The following SPIRE1 variants were observed in gnomAD, a reference collection of about 807,000 sequenced individuals.
SPIRE1 encodes spire type actin nucleation factor 1.
SPIRE1 carries 40 observed loss-of-function variants against 94.1 expected under a neutral mutation model. The ratio of observed to expected loss-of-function variants is 0.43; its 90% CI spans 0.33 to 0.55. SPIRE1 has a LOEUF of 0.55. SPIRE1 is among the 20% of genes least tolerant of loss of function. The probability of loss-of-function intolerance (pLI) is 0.06; values close to 1 mark genes in which losing one functional copy is unlikely to be tolerated. For missense variants in SPIRE1, 838 were observed against 975.2 expected (o/e 0.86, Z 1.87); for synonymous variants, 376 against 371.7 (o/e 1.01, Z -0.13).
intron 2 of SPIRE1, among the ~76,000 whole-genome samples, chr18:12,593,555 G>T (rs142604549): frequency 6.6e-6 from 1 of 152,236 alleles, no homozygotes; most frequent in South Asian, 2.1e-4. Flanking sequence ...CTAAATTCCC[G>T]CTATATACCC....
intron 11 of SPIRE1, among the ~76,000 whole-genome samples, chr18:12,463,762 A>G (rs2031974904): frequency 1.3e-5 from 2 of 152,204 alleles, no homozygotes; most frequent in African/African-American, 4.8e-5. Flanking sequence ...AAAATTCTCA[A>G]TGTACCCTCT....
chr18:12,498,440 G>T (rs771514692), intron 6 of SPIRE1, among the ~76,000 whole-genome samples: 24 of 152,124 alleles, frequency 1.6e-4, no homozygotes, highest in Non-Finnish European at 3.2e-4. Flanking sequence ...TAGAGATGGG[G>T]TTTCACCATG....
chr18:12,625,104 T>C (rs2037583664), intron 2 of SPIRE1, among the ~76,000 whole-genome samples: 1 of 152,056 alleles, frequency 6.6e-6, no homozygotes, highest in African/African-American at 2.4e-5. Context: ...CAAGTGACTG[T>C]CATAATGTCC....
At chr18:12,450,515 A>G in intron 16 of SPIRE1, 1 of 554,118 alleles carries the variant, frequency 1.8e-6, no homozygotes, top group Non-Finnish European at 3.2e-6. Context: ...GCAGACGTGC[A>G]GAGAAGAACA....
At chr18:12,535,373 A>G in intron 4 of SPIRE1, 103 bp downstream of exon 4, 1 of 1,255,064 alleles carries the variant, frequency 8.0e-7, no homozygotes, top group Non-Finnish European at 1.1e-6. Flanking sequence ...ATCTTTTAAA[A>G]CAATACAGCG....
chr18:12,489,685 T>C (rs903854110), intron 8 of SPIRE1, among the ~76,000 whole-genome samples: 2 of 152,344 alleles, frequency 1.3e-5, no homozygotes, highest in African/African-American at 4.8e-5. Flanking sequence ...TTTAGCCATC[T>C]GTTAGGAGAT....
intron 2 of SPIRE1, among the ~76,000 whole-genome samples, chr18:12,551,031 T>C (rs1363817995): frequency 1.3e-5 from 2 of 152,262 alleles, no homozygotes; most frequent in South Asian, 4.1e-4. Flanking sequence ...TGTATTCCGA[T>C]ATTTCCTTAA....
chr18:12,493,213 G>A lies in SPIRE1; in HGVS notation c.1060-12C>T, dbSNP rs745942065. The A allele has an allele frequency of 6.9e-6, 11 of 1,605,330 alleles. No homozygotes were observed. Among genetic ancestry groups the A allele is most frequent in the Non-Finnish European group, 6.8e-6 (8 of 1,178,006 alleles). On this transcript the variant is annotated splice_polypyrimidine_tract_variant and intron_variant, in intron 7 of 16. Coordinates refer to ENST00000409402, the MANE Select transcript of SPIRE1 (RefSeq NM_001128626.2). ...TTTCTGGCTGAGACCTTGAAAGTAA[G>A]AAAAATGGCTAAAGACTTCAGTAAT...
chr18:12,657,638 G>T lies in SPIRE1; in HGVS notation c.229C>A (p.Gln77Lys). 7.6e-7 allele frequency: 1 copy of T among 1,309,928 alleles called. No individual in the cohort carries two copies. The highest frequency in any genetic ancestry group is 9.7e-7 in the Non-Finnish European group (1 of 1,027,906). 81.1% of individuals were successfully genotyped at this position (1,309,928 alleles called of 1,614,324 possible). A position where few individuals can be genotyped will look rare whatever the true frequency, so the allele number is the denominator to read the frequency against. Residue 77 changes from glutamine to lysine, a missense_variant, in exon 1 of 17, where the codon CAG (glutamine) becomes AAG (lysine). Physicochemically the swap from Gln to Lys is moderately conservative, Grantham distance 53. Transcript: ENST00000409402. The stretch of plus-strand genomic sequence containing the variant: ...GCCGAGCGCACACGGTGGCGGGGCT[G>T]GCGGCGGCGGGCGGCGGCGCGCAGG... Reference protein sequence around the residue: ...GSLRAAARRRQPRHRVRSAAQ... With the variant: ...GSLRAAARRRKPRHRVRSAAQ...
Position 12,631,548 on chromosome 18 carries a change from C to CAAAAAAAAAAAAAAAAAAA in SPIRE1, c.372+3495_372+3513dup, listed in dbSNP as rs869278182. Among the ~76,000 whole-genome samples, 69 of 63,784 alleles carry CAAAAAAAAAAAAAAAAAAA rather than the reference C, an allele frequency of 1.1e-3. 1 individual carries two copies. Among genetic ancestry groups the CAAAAAAAAAAAAAAAAAAA allele is most frequent in the Non-Finnish European group, 1.5e-3 (55 of 36,542 alleles). 41.8% of individuals were successfully genotyped at this position (63,784 alleles called of 152,430 possible). On this transcript the variant is annotated intron_variant, in intron 2 of 16. Transcript: ENST00000409402. ...GCAACATAGCAAAACCCCATCTCTA[C>CAAAAAAAAAAAAAAAAAAA]AAAAAAAAAAAAAAAAAAAAAAAAA...
intron 6 of SPIRE1, among the ~76,000 whole-genome samples, chr18:12,502,754 C>T (rs36109961): frequency 0.36 from 54,486 of 151,802 alleles, 11,179 homozygotes; most frequent in East Asian, 0.65. Flanking sequence ...AACTGGAAAC[C>T]ATCAAATATC....
chr18:12,533,454 G>T (rs1018318330), intron 4 of SPIRE1, among the ~76,000 whole-genome samples: 2 of 152,062 alleles, frequency 1.3e-5, no homozygotes, highest in African/African-American at 4.8e-5. Context: ...GACATAACAA[G>T]GTTTAGAAAA....
At chr18:12,495,252 GA>G (rs2033415129) in intron 7 of SPIRE1, among the ~76,000 whole-genome samples, 1 of 152,160 alleles carries the variant, frequency 6.6e-6, no homozygotes, top group Admixed American at 6.5e-5. Context: ...AGGAACAGAA[GA>G]AACACAAACC....
rs138304994 is a variant in SPIRE1, at chr18:12,478,029, C to T, written c.1404+1670G>A. ...AAGAAAGTCAGATAGACTGAAGAGA[C>T]GGTGAGAAAGAGAGACCAACTGACG... On this transcript the variant is annotated intron_variant, in intron 10 of 16. Transcript: ENST00000409402. Among the ~76,000 whole-genome samples, 502 of 151,886 alleles carry T rather than the reference C, an allele frequency of 3.3e-3. 2 individuals are homozygous for T. Among genetic ancestry groups the T allele is most frequent in the African/African-American group, 0.011 (468 of 41,406 alleles).
In SPIRE1 at chr18:12,601,976, G is replaced by A. The variant is rs554996966; in HGVS notation, c.372+33086C>T. ...AGCCCTGGTTACTGGTAGTGGGGAA[G>A]GCTATTTAGAAACAAAGACGTGGGT... On this transcript the variant is annotated intron_variant, in intron 2 of 16. Coordinates refer to ENST00000409402, the MANE Select transcript of SPIRE1 (RefSeq NM_001128626.2). Among the ~76,000 whole-genome samples the A allele has an allele frequency of 2.6e-5, 4 of 152,224 alleles. No individual in the cohort carries two copies. The South Asian group carries it at 8.3e-4, about 32-fold the overall frequency.
chr18:12,540,399 G>T (rs144478843), intron 3 of SPIRE1, among the ~76,000 whole-genome samples: 25 of 151,816 alleles, frequency 1.6e-4, no homozygotes, highest in African/African-American at 5.8e-4. Flanking sequence ...TTTTGAAATG[G>T]GGTTTCACTC....
At chr18:12,560,006 T>C (rs556503907) in intron 2 of SPIRE1, among the ~76,000 whole-genome samples, 23 of 152,242 alleles carry the variant, frequency 1.5e-4, no homozygotes, top group African/African-American at 4.6e-4. Flanking sequence ...CTTGACATCA[T>C]TGATTGTCAG....
intron 2 of SPIRE1, among the ~76,000 whole-genome samples, chr18:12,549,436 GTTGTTTTTTTTTT>G (rs2035274864): frequency 3.9e-5 from 2 of 51,920 alleles, no homozygotes; most frequent in Admixed American, 2.1e-4. Context: ...TTTTGTTATT[GTTGTTTTTTTTTT>G]TTTTTTTTTT....
intron 3 of SPIRE1, among the ~76,000 whole-genome samples, chr18:12,535,944 G>T (rs1352617502): frequency 2.0e-5 from 3 of 152,074 alleles, no homozygotes. Context: ...GACAGAGTGA[G>T]ACTTCATCTA....
Sources: gnomAD v4.1 joint callset for allele counts (sites outside exome capture counted in the v4.1 genomes callset) on GRCh38, gnomAD v4.1.1 for gene constraint, MANE v1.5 for transcripts, NCBI Gene and HGNC (gene_info 2026-07-23, HGNC 2026-07-21) for gene names.